PRH1: variants seen among roughly 807,000 people sequenced by gnomAD.
The protein encoded by PRH1 is salivary acidic proline-rich phosphoprotein 1/2.
PRH1 carries 7 observed loss-of-function variants against 7.9 expected under a neutral mutation model. The observed-to-expected ratio is 0.89, with a 90% CI of 0.50 to 1.67. PRH1 has a LOEUF of 1.67. Among genes scored for constraint, PRH1 ranks in the 40% most tolerant of loss-of-function variants. The pLI is 0.00. For synonymous variants in PRH1, 45 were observed against 80.8 expected (o/e 0.56, Z 2.38); for missense variants, 109 against 223.6 (o/e 0.49, Z 3.27).
chr12:10,990,117 A>G (rs556338405), intron 1 of PRH1, among the ~76,000 whole-genome samples: 1 of 152,224 alleles, frequency 6.6e-6, no homozygotes, highest in South Asian at 2.1e-4. Context: ...TACTGGCATA[A>G]AAACAGACAC....
At chr12:11,108,626 G>A (rs1474445030) in intron 1 of PRH1, among the ~76,000 whole-genome samples, 2 of 152,186 alleles carry the variant, frequency 1.3e-5, no homozygotes, top group South Asian at 2.1e-4. Flanking sequence ...GAGGGACGAC[G>A]TATTCTGGCC....
chr12:11,062,385 A>C, intron 1 of PRH1: 1 of 1,370,436 alleles, frequency 7.3e-7, no homozygotes, highest in Non-Finnish European at 9.7e-7. Flanking sequence ...TTCTATATGC[A>C]CCTGATTTGT....
rs1040678494 is a variant in PRH1, at chr12:10,930,557, G to C, written c.-59+43098C>G. The C allele has an allele frequency of 7.1e-6, 11 of 1,550,364 alleles. No homozygotes were observed. In the East Asian group the frequency reaches 1.8e-4, roughly 25 times the overall value. ...AAGGGGGGAGGTTGGGAGTTGAGAG[G>C]CAGGTCAGGGAGAGAGGGGCCGGCC... is the stretch of plus-strand genomic sequence containing the variant. On this transcript the variant is annotated intron_variant, in intron 2 of 3. Transcript: ENST00000539853.
At chr12:11,036,116 A>G (rs561867001) in intron 1 of PRH1, among the ~76,000 whole-genome samples, 2 of 152,294 alleles carry the variant, frequency 1.3e-5, no homozygotes, top group East Asian at 3.9e-4. Context: ...GATGGTCTCC[A>G]TCTCCTGACC....
At chr12:10,939,007 A>G in intron 2 of PRH1, 2 of 1,613,672 alleles carry the variant, frequency 1.2e-6, no homozygotes, top group Non-Finnish European at 1.7e-6. Flanking sequence ...ACACAGACAC[A>G]CACCAGCTTC....
At chr12:11,138,215 T>C (rs1946609103) in intron 1 of PRH1, among the ~76,000 whole-genome samples, 1 of 152,210 alleles carries the variant, frequency 6.6e-6, no homozygotes, top group Non-Finnish European at 1.5e-5. Flanking sequence ...TTTTATTTCA[T>C]CTTTTAATAG....
chr12:10,966,843 C>G (rs369280810), intron 2 of PRH1, among the ~76,000 whole-genome samples: 1 of 152,148 alleles, frequency 6.6e-6, no homozygotes, highest in African/African-American at 2.4e-5. Flanking sequence ...AGGCTGGGCG[C>G]GGTGGCTCAC....
In PRH1 at chr12:11,020,383, T is replaced by G. The variant is rs1051709751; in HGVS notation, c.-126+26637A>C. Among the ~76,000 whole-genome samples the G allele has an allele frequency of 1.2e-4, 13 of 107,456 alleles. 1 individual carries two copies. The highest frequency in any genetic ancestry group is 3.9e-4 in the African/African-American group (13 of 33,220). 70.5% of individuals were successfully genotyped at this position (107,456 alleles called of 152,430 possible). ...TAAGCGATATATATATATATATATA[T>G]ATATATATGTCTATAGATATAGATA... On this transcript the variant is annotated intron_variant, in intron 1 of 3. Coordinates refer to the PRH1 transcript ENST00000539853.
At chr12:10,997,341 C>T (rs754376419) in intron 1 of PRH1, 3 of 1,614,088 alleles carry the variant, frequency 1.9e-6, no homozygotes, top group Admixed American at 1.7e-5. Context: ...AGCATGGCTA[C>T]AGTCAAGTTG....
chr12:11,140,701 A>C (rs1226112301), intron 1 of PRH1, among the ~76,000 whole-genome samples: 4 of 152,188 alleles, frequency 2.6e-5, no homozygotes, highest in Non-Finnish European at 4.4e-5. Flanking sequence ...ATATACTAGC[A>C]TGCCAAGGAA....
In PRH1 at chr12:11,093,234, T is replaced by C. The variant is rs1187921486; in HGVS notation, n.124-46046A>G. 1.7e-5 allele frequency among the ~76,000 whole-genome samples: 2 copies of C among 116,192 alleles called. 1 individual carries two copies. Among genetic ancestry groups the C allele is most frequent in the Non-Finnish European group, 4.1e-5 (2 of 49,166 alleles). 76.2% of individuals were successfully genotyped at this position (116,192 alleles called of 152,430 possible). A position where few individuals can be genotyped will look rare whatever the true frequency, so the allele number is the denominator to read the frequency against. On this transcript the variant is annotated intron_variant and non_coding_transcript_variant, in intron 1 of 4. Coordinates refer to the PRH1 transcript ENST00000541977. ...AGATCATCACCAATGCGGACTTTTT[T>C]AAATCACAGATTTAAATACACAGAA... is the stretch of plus-strand genomic sequence containing the variant.
chr12:10,941,707 A>G (rs1439983540), intron 2 of PRH1, among the ~76,000 whole-genome samples: 1 of 151,682 alleles, frequency 6.6e-6, no homozygotes, highest in Non-Finnish European at 1.5e-5. Flanking sequence ...TAACCTCCTG[A>G]ATTTTTTTTC....
At chr12:11,004,446 G>A (rs1419905174) in intron 1 of PRH1, among the ~76,000 whole-genome samples, 3 of 151,896 alleles carry the variant, frequency 2.0e-5, no homozygotes, top group Non-Finnish European at 4.4e-5. Context: ...CGGAGGTTGC[G>A]GTGAGCTGAG....
At chr12:11,068,892 T>A (rs1486022034) in intron 1 of PRH1, among the ~76,000 whole-genome samples, 1 of 137,972 alleles carries the variant, frequency 7.2e-6, no homozygotes, top group Admixed American at 7.4e-5. Flanking sequence ...TTCCCTTAGA[T>A]TTTTGGTATT....
At chr12:11,101,307 G>T (rs895464856) in intron 1 of PRH1, among the ~76,000 whole-genome samples, 6 of 152,130 alleles carry the variant, frequency 3.9e-5, no homozygotes, top group Non-Finnish European at 1.5e-5. Context: ...GGGCAACATG[G>T]AAAAACCATG....
intron 1 of PRH1, among the ~76,000 whole-genome samples, chr12:11,130,520 C>A (rs1946307129): frequency 6.6e-6 from 1 of 152,176 alleles, no homozygotes; most frequent in East Asian, 1.9e-4. Context: ...CAAATGGAGC[C>A]CAGAACTAAA....
chr12:11,080,408 T>C (rs1944461107), intron 1 of PRH1, among the ~76,000 whole-genome samples: 1 of 116,676 alleles, frequency 8.6e-6, no homozygotes, highest in Admixed American at 8.6e-5. Context: ...AGCTTGTTTT[T>C]GAGCTATTAT....
At chr12:11,157,457 TTC>T (rs1947287859) in intron 1 of PRH1, among the ~76,000 whole-genome samples, 1 of 152,240 alleles carries the variant, frequency 6.6e-6, no homozygotes, top group East Asian at 1.9e-4. Flanking sequence ...GAGGGCTTAT[TTC>T]TGTTTGGTTC....
intron 1 of PRH1, chr12:10,996,897 C>T (rs762126427): frequency 1.3e-6 from 2 of 1,498,436 alleles, no homozygotes; most frequent in African/African-American, 1.4e-5. Context: ...GTTCCAGACA[C>T]CATCAATTTG....
Sources: allele counts gnomAD v4.1 joint callset (sites outside exome capture counted in the v4.1 genomes callset), GRCh38; gene constraint gnomAD v4.1.1; transcripts MANE v1.5; gene names NCBI Gene and HGNC (gene_info 2026-07-23, HGNC 2026-07-21).